Variants in TNKS observed in about 807,000 individuals in gnomAD.
TNKS encodes the protein tankyrase, also known as poly [ADP-ribose] polymerase tankyrase-1.
TNKS carries 72 observed loss-of-function variants against 135.8 expected under a neutral mutation model. That is an observed-to-expected ratio of 0.53 (90% CI 0.44 to 0.64). The LOEUF (loss-of-function observed/expected upper bound fraction) is 0.64. Ranked by LOEUF, TNKS falls within the 30% of genes least tolerant of loss-of-function variation. TNKS has a pLI of 0.00. For synonymous variants in TNKS, 849 were observed against 649.3 expected (o/e 1.31, Z -4.68); for missense variants, 1,769 against 1,674.0 (o/e 1.06, Z -0.99).
intron 18 of TNKS, among the ~76,000 whole-genome samples, chr8:9,748,557 T>A (rs942522569): frequency 1.3e-5 from 2 of 152,232 alleles, no homozygotes; most frequent in African/African-American, 2.4e-5. Context: ...ATGTTCATGA[T>A]AATTTACCTA....
intron 3 of TNKS, among the ~76,000 whole-genome samples, chr8:9,677,864 C>G (rs1178105536): frequency 6.6e-6 from 1 of 152,022 alleles, no homozygotes; most frequent in Non-Finnish European, 1.5e-5. Context: ...CAACCATTCC[C>G]CTTCTCCTTT....
chr8:9,676,755 T>G (rs1040102020), intron 3 of TNKS, among the ~76,000 whole-genome samples: 1 of 151,966 alleles, frequency 6.6e-6, no homozygotes, highest in Non-Finnish European at 1.5e-5. Context: ...ATCATTACTA[T>G]TTTACCAGTA....
intron 2 of TNKS, among the ~76,000 whole-genome samples, chr8:9,611,481 A>G (rs4418340): frequency 0.29 from 43,794 of 152,036 alleles, 6,605 homozygotes; most frequent in East Asian, 0.38. Flanking sequence ...TCTGTTTTAT[A>G]TTAGTGTGCT....
At chr8:9,587,867 C>CA (rs1345398872) in intron 2 of TNKS, among the ~76,000 whole-genome samples, 1 of 152,130 alleles carries the variant, frequency 6.6e-6, no homozygotes, top group African/African-American at 2.4e-5. Flanking sequence ...AGCGGTTTTG[C>CA]AAAATTTATC....
chr8:9,665,035 CCT>C (rs1307222211), intron 3 of TNKS, among the ~76,000 whole-genome samples: 7 of 152,092 alleles, frequency 4.6e-5, no homozygotes, highest in African/African-American at 1.4e-4. Context: ...TTTTGAGAGC[CCT>C]CTCTGAAATA....
rs1277419551 is a variant in TNKS at position 9,780,491 on chromosome 8, AAAAG to A, written c.*3760_*3763del. The A allele has an allele frequency of 6.6e-6, 1 of 152,246 alleles. No homozygotes were observed. Among genetic ancestry groups the A allele is most frequent in the African/African-American group, 2.4e-5 (1 of 41,466 alleles). 9.4% of individuals were successfully genotyped at this position (152,246 alleles called of 1,614,324 possible). On this transcript the variant is annotated 3_prime_UTR_variant, in exon 27 of 27. Transcript: ENST00000310430. ...TAATGTCAGATCAGTGACAGAAGTG[AAAAG>A]AAAGTAATTGTGAAAGTGATGTTTG...
chr8:9,653,246 C>T (rs573739633), intron 3 of TNKS, among the ~76,000 whole-genome samples: 1 of 152,230 alleles, frequency 6.6e-6, no homozygotes, highest in East Asian at 1.9e-4. Context: ...GCTTAATGAA[C>T]TAACCACATC....
At chr8:9,588,818 C>T (rs1471186337) in intron 2 of TNKS, among the ~76,000 whole-genome samples, 2 of 152,116 alleles carry the variant, frequency 1.3e-5, no homozygotes, top group Non-Finnish European at 2.9e-5. Flanking sequence ...CTCTAATGAG[C>T]TGCTTGGCCT....
At chr8:9,775,280 C>CTG (rs1366348179) in intron 26 of TNKS, among the ~76,000 whole-genome samples, 2 of 151,658 alleles carry the variant, frequency 1.3e-5, no homozygotes, top group Middle Eastern at 3.4e-3. Context: ...TTGTGAGAAA[C>CTG]TGTAATATTC....
chr8:9,590,838 T>G (rs1391293050), intron 2 of TNKS, among the ~76,000 whole-genome samples: 3 of 152,270 alleles, frequency 2.0e-5, no homozygotes, highest in Admixed American at 1.3e-4. Context: ...TCTCCCATTC[T>G]TTGTGTTGTC....
At chr8:9,693,546 A>C (rs1182044359) in intron 5 of TNKS, among the ~76,000 whole-genome samples, 1 of 152,172 alleles carries the variant, frequency 6.6e-6, no homozygotes, top group African/African-American at 2.4e-5. Flanking sequence ...ATAATTTAAA[A>C]AGGAGTTATT....
In TNKS at chr8:9,717,785, A is replaced by T. The variant is rs549134629; in HGVS notation, c.1750-2589A>T. Among the ~76,000 whole-genome samples the T allele has an allele frequency of 2.6e-5, 4 of 152,310 alleles. No homozygotes were observed. In the South Asian group the frequency reaches 8.3e-4, roughly 32 times the overall value. On this transcript the variant is annotated intron_variant, in intron 11 of 26. Transcript: ENST00000310430. ...ACTACTATATGAACTGGAAAGTAGTATATATAATAAGAGAAGTATAGATTG... is the reference window on the plus strand; with the variant it reads ...ACTACTATATGAACTGGAAAGTAGTTTATATAATAAGAGAAGTATAGATTG...
At position 9,609,053 on chromosome 8, in the gene TNKS, T is replaced by G. The variant is rs952412869; in HGVS notation, c.899-6529T>G. Among the ~76,000 whole-genome samples the G allele has an allele frequency of 5.9e-5, 9 of 152,232 alleles. No individual in the cohort carries two copies. In the South Asian group the frequency reaches 6.2e-4, roughly 10 times the overall value. On this transcript the variant is annotated intron_variant, in intron 2 of 26. Transcript: ENST00000310430. ...TTTCTAAAAGTTCTGTTTAATTCTT[T>G]TATACATTTGCCCTATTATTTTTTA... is the stretch of plus-strand genomic sequence containing the variant.
At chr8:9,770,456 C>T (rs1807759888) in intron 26 of TNKS, among the ~76,000 whole-genome samples, 194 bp downstream of exon 26, 1 of 152,252 alleles carries the variant, frequency 6.6e-6, no homozygotes, top group African/African-American at 2.4e-5. Context: ...CCATTAGTAG[C>T]TGTCAGCCAC....
chr8:9,735,219 A>T, intron 16 of TNKS, 135 bp downstream of exon 16: 1 of 1,120,182 alleles, frequency 8.9e-7, no homozygotes, highest in South Asian at 1.6e-5. Flanking sequence ...AGTTTTGTAT[A>T]ATTTCTTATT....
chr8:9,598,723 G>C (rs911474754), intron 2 of TNKS, among the ~76,000 whole-genome samples: 3 of 132,212 alleles, frequency 2.3e-5, no homozygotes, highest in East Asian at 2.3e-4. Flanking sequence ...GTGTGTGTGT[G>C]TGTGTGTGTG....
intron 2 of TNKS, among the ~76,000 whole-genome samples, chr8:9,581,087 T>G (rs190435569): frequency 4.6e-5 from 7 of 152,300 alleles, no homozygotes; most frequent in African/African-American, 1.7e-4. Flanking sequence ...GATGTTTGTT[T>G]AGCCATGGCA....
intron 2 of TNKS, among the ~76,000 whole-genome samples, chr8:9,603,573 C>T (rs77295111): frequency 0.036 from 5,427 of 152,214 alleles, 281 homozygotes; most frequent in African/African-American, 0.11. Flanking sequence ...AGTTCAGTTC[C>T]CTGTTCATTG....
intron 2 of TNKS, among the ~76,000 whole-genome samples, chr8:9,612,844 C>T (rs997036682): frequency 4.6e-5 from 7 of 151,810 alleles, no homozygotes; most frequent in South Asian, 4.1e-4. Context: ...CATAAACAGT[C>T]AACACTTATT....
Sources: allele counts gnomAD v4.1 joint callset (sites outside exome capture counted in the v4.1 genomes callset), GRCh38; gene constraint gnomAD v4.1.1; transcripts MANE v1.5; gene names NCBI Gene and HGNC (gene_info 2026-07-23, HGNC 2026-07-21).